The following PRKDC variants were observed in gnomAD, a reference collection of about 807,000 sequenced individuals.
PRKDC encodes protein kinase, DNA-activated, catalytic subunit, also known as DNA-dependent protein kinase catalytic subunit.
A neutral mutation model predicts 486.9 loss-of-function variants in PRKDC; 82 were observed. The observed-to-expected ratio is 0.17, with a 90% confidence interval of 0.14 to 0.20. The LOEUF (loss-of-function observed/expected upper bound fraction) is 0.20. Among genes scored for constraint, PRKDC ranks in the 10% least tolerant of loss-of-function variants. The pLI is 1.00. For missense variants in PRKDC, 4,504 were observed against 5,038.2 expected, an observed-to-expected ratio of 0.89 and a Z score of 3.21; for synonymous variants, 1,895 against 1,837.0, an observed-to-expected ratio of 1.03 and a Z score of -0.81.
intron 68 of PRKDC, among the ~76,000 whole-genome samples, chr8:47,809,272 A>G (rs1475316339): frequency 6.6e-6 from 1 of 152,008 alleles, no homozygotes; most frequent in Non-Finnish European, 1.5e-5. Flanking sequence ...TTCTCACCAC[A>G]CTGCTCTGGG....
At chr8:47,796,008 C>T (rs942177204) in intron 73 of PRKDC, among the ~76,000 whole-genome samples, 1 of 151,784 alleles carries the variant, frequency 6.6e-6, no homozygotes, top group African/African-American at 2.4e-5. Context: ...GATTCTCCTG[C>T]CTCAGCCTCC....
Position 47,943,275 on chromosome 8 carries a change from C to G in PRKDC, c.900G>C (p.Trp300Cys), listed in dbSNP as rs2154504133. The G allele has an allele frequency of 6.2e-7, 1 of 1,612,944 alleles. No homozygotes were observed. The highest frequency in any genetic ancestry group is 1.6e-4 in the Middle Eastern group (1 of 6,062). The change falls in exon 10 of 86, where the codon TGG becomes TGC. Residue 300 changes from tryptophan to cysteine, a missense_variant. By Grantham distance (215) the Trp-to-Cys change is radical (BLOSUM62 -2). This residue lies in a region of PRKDC where 1,969 missense variants were observed against 2,068.9 expected (regional missense o/e 0.95). Transcript: ENST00000314191. ...TCAATTCTACATTTGTGTGGGCACA[C>G]CACTTTAACAAGACTTCAAATAGAG... is the stretch of plus-strand genomic sequence containing the variant. ...YVSLFEVLLK[W>C]CAHTNVELKK...
Position 47,817,461 on chromosome 8 carries a change from G to T in PRKDC, c.9546C>A (p.Ile3182=), listed in dbSNP as rs1401866104. 6.3e-7 allele frequency: 1 copy of T among 1,597,122 alleles called. No individual in the cohort carries two copies. The highest frequency in any genetic ancestry group is 1.1e-5 in the South Asian group (1 of 88,806). Residue 3182 remains isoleucine (I), a synonymous_variant, in exon 68 of 86, where the codon ATC becomes ATA. Transcript: ENST00000314191. ...GGACCACGTCTTACCGATTTGTGAT[G>T]ATGTCATCCCAGATGTTCATTGGGT... ...KMDPMNIWDD[I]ITNRCFFLSK... is the part of the protein sequence containing the mutation.
intron 1 of PRKDC, 60 bp downstream of exon 1, chr8:47,959,913 G>C (rs1004679395): frequency 2.0e-6 from 3 of 1,518,192 alleles, no homozygotes; most frequent in Non-Finnish European, 2.6e-6. Flanking sequence ...GGGCTGCCCG[G>C]CTCCAGAACG....
chr8:47,780,887 G>A lies in PRKDC; in HGVS notation c.11489+1275C>T, dbSNP rs371966351. On this transcript the variant is annotated intron_variant, in intron 80 of 85. Transcript: ENST00000314191. ...CGGGAAGCGGAGACCACAGTGAGCC[G>A]AGATCACGCCACTGCACTCCAGCCT... is the stretch of plus-strand genomic sequence containing the variant. Among the ~76,000 whole-genome samples, 14 of 152,116 alleles carry A rather than the reference G, an allele frequency of 9.2e-5. No homozygotes were observed. In the South Asian group the frequency reaches 2.7e-3, roughly 29 times the overall value.
chr8:47,911,976 G>A (rs1314472621), intron 25 of PRKDC, among the ~76,000 whole-genome samples: 2 of 151,928 alleles, frequency 1.3e-5, no homozygotes, highest in African/African-American at 4.8e-5. Context: ...TTATCATGTT[G>A]GCCAGGCTGG....
Position 47,836,464 on chromosome 8 carries a change from T to G in PRKDC, c.7825A>C (p.Thr2609Pro), listed in dbSNP as rs1337679055. The stretch of plus-strand genomic sequence containing the variant: ...TGGAGAGTGCCCTGGGAGGCCTGGG[T>G]CTCCACAAACATCGGAGTGAGAACA... ...STVLTPMFVETQASQGTLQTR... is the reference protein window; with the variant it reads ...STVLTPMFVEPQASQGTLQTR... The change falls in exon 58 of 86, where the codon ACC becomes CCC. Residue 2609 changes from threonine (T) to proline (P), a missense_variant. Physicochemically the swap from Thr to Pro is conservative, Grantham distance 38 (BLOSUM62 -1). Coordinates refer to ENST00000314191, the MANE Select transcript of PRKDC (RefSeq NM_006904.7). 2 of 1,611,756 alleles carry G rather than the reference T, an allele frequency of 1.2e-6. No individual in the cohort carries two copies. Among genetic ancestry groups the G allele is most frequent in the Non-Finnish European group, 1.7e-6 (2 of 1,179,026 alleles).
chr8:47,828,790 C>T (rs1403095095), intron 61 of PRKDC, among the ~76,000 whole-genome samples: 1 of 152,192 alleles, frequency 6.6e-6, no homozygotes, highest in Non-Finnish European at 1.5e-5. Context: ...CTATCAGCAC[C>T]ATGGTAAAGC....
chr8:47,867,792 T>C (rs926249497), intron 40 of PRKDC, among the ~76,000 whole-genome samples: 2 of 152,222 alleles, frequency 1.3e-5, no homozygotes, highest in African/African-American at 4.8e-5. Context: ...TTTTTCAGGC[T>C]CTCTGGCCTT....
intron 83 of PRKDC, 62 bp from the exon 84 acceptor site, chr8:47,777,936 C>A: frequency 1.4e-6 from 2 of 1,432,134 alleles, no homozygotes; most frequent in Non-Finnish European, 1.9e-6. Context: ...GTACCGAGCA[C>A]AAATGGCAGC....
intron 40 of PRKDC, among the ~76,000 whole-genome samples, chr8:47,872,604 T>C (rs2088980166): frequency 6.6e-6 from 1 of 151,570 alleles, no homozygotes; most frequent in Non-Finnish European, 1.5e-5. Flanking sequence ...AGATATTTCA[T>C]GCCAATGGAA....
intron 77 of PRKDC, 53 bp from the exon 78 acceptor site, chr8:47,783,862 A>AT: frequency 6.6e-7 from 1 of 1,509,904 alleles, no homozygotes; most frequent in Non-Finnish European, 9.2e-7. Flanking sequence ...AACCGCCTGT[A>AT]TTTTAAAACA....
chr8:47,813,091 TTATA>T (rs1173226779), intron 68 of PRKDC, among the ~76,000 whole-genome samples: 3 of 142,296 alleles, frequency 2.1e-5, no homozygotes, highest in African/African-American at 5.6e-5. Context: ...AAATAGAATT[TTATA>T]TTTATTTATT....
chr8:47,790,740 G>C (rs1053887687), intron 74 of PRKDC, among the ~76,000 whole-genome samples: 1 of 152,100 alleles, frequency 6.6e-6, no homozygotes, highest in African/African-American at 2.4e-5. Flanking sequence ...ACAGAATAGA[G>C]AACCCAGAAA....
intron 40 of PRKDC, among the ~76,000 whole-genome samples, chr8:47,869,446 G>C (rs1422003381): frequency 6.6e-6 from 1 of 151,664 alleles, no homozygotes; most frequent in African/African-American, 2.4e-5. Flanking sequence ...CTGCCTTGAA[G>C]GGAAGGGCTC....
At chr8:47,849,721 G>A (rs1024424358) in intron 52 of PRKDC, among the ~76,000 whole-genome samples, 1 of 152,162 alleles carries the variant, frequency 6.6e-6, no homozygotes, top group Non-Finnish European at 1.5e-5. Flanking sequence ...CCTACACCTC[G>A]GTGAGCCAGT....
At position 47,929,078 on chromosome 8, in the gene PRKDC, C is replaced by A; in HGVS notation, c.2139+14G>T. The A allele has an allele frequency of 6.7e-7, 1 of 1,484,978 alleles. No homozygotes were observed. Among genetic ancestry groups the A allele is most frequent in the East Asian group, 2.4e-5 (1 of 41,340 alleles). The allele number at this position is 1,484,978 out of a possible 1,614,324, so 92.0% of individuals were successfully genotyped here. A position where few individuals can be genotyped will look rare whatever the true frequency, so the allele number is the denominator to read the frequency against. ...AGTTCATGATAACACTAAGATAAATCATTTAAAAATTACCTCTTTGCCAAA... is the reference window on the plus strand; with the variant it reads ...AGTTCATGATAACACTAAGATAAATAATTTAAAAATTACCTCTTTGCCAAA... On this transcript the variant is annotated intron_variant, in intron 19 of 85. Coordinates refer to ENST00000314191, the MANE Select transcript of PRKDC (RefSeq NM_006904.7).
At chr8:47,844,983 G>A (rs1482081893) in intron 54 of PRKDC, among the ~76,000 whole-genome samples, 1 of 152,170 alleles carries the variant, frequency 6.6e-6, no homozygotes, top group Non-Finnish European at 1.5e-5. Context: ...GGGAGGTTGA[G>A]GCAGGAGGAT....
intron 7 of PRKDC, among the ~76,000 whole-genome samples, chr8:47,945,447 T>C (rs2090516957): frequency 6.6e-6 from 1 of 152,122 alleles, no homozygotes; most frequent in African/African-American, 2.4e-5. Flanking sequence ...CTATTTTACT[T>C]TGTCTCTGTG....
Sources: gnomAD v4.1 joint callset for allele counts (sites outside exome capture counted in the v4.1 genomes callset) on GRCh38, gnomAD v4.1.1 for gene constraint, gnomAD v4.1.1 regional missense constraint, MANE v1.5 for transcripts, NCBI Gene and HGNC (gene_info 2026-07-23, HGNC 2026-07-21) for gene names.